Variants in SLC25A48 observed in about 807,000 individuals in gnomAD.
SLC25A48 encodes CTC-321K16.1.
SLC25A48 carries 29 observed loss-of-function variants against 32.2 expected under a neutral mutation model. The ratio of observed to expected loss-of-function variants is 0.90; its 90% confidence interval spans 0.67 to 1.23. The LOEUF (loss-of-function observed/expected upper bound fraction) is 1.23, where lower values mean the gene tolerates loss of function less well. Ranked by LOEUF, SLC25A48 falls within the 50% of genes most tolerant of loss-of-function variation. The pLI is 0.00. For missense variants in SLC25A48, 399 were observed against 422.7 expected (o/e 0.94, Z 0.49); for synonymous variants, 164 against 172.3 (o/e 0.95, Z 0.38).
chr5:135,858,809 C>T (rs148691230), intron 4 of SLC25A48, among the ~76,000 whole-genome samples: 3 of 152,332 alleles, frequency 2.0e-5, no homozygotes, highest in East Asian at 1.9e-4. Flanking sequence ...CCCAAAATGA[C>T]GTTGTCCAAG....
At position 135,780,453 on chromosome 5, in the gene SLC25A48, C is replaced by A. The variant is rs1177132566; in HGVS notation, c.-520-32070C>A. The stretch of plus-strand genomic sequence containing the variant: ...CTGTCAGTATCGTAGGGGGTGTACA[C>A]CCACACTGTGATATTGTTCCTAATA... On this transcript the variant is annotated intron_variant, in intron 3 of 10. Coordinates refer to the SLC25A48 transcript ENST00000646290. Among the ~76,000 whole-genome samples, 53 of 116,398 alleles carry A rather than the reference C, an allele frequency of 4.6e-4. 8 individuals carry two copies. Among genetic ancestry groups the A allele is most frequent in the African/African-American group, 1.3e-3 (51 of 38,368 alleles). The allele number at this position is 116,398 out of a possible 152,430, so 76.4% of individuals were successfully genotyped here.
rs75512932 is a variant in SLC25A48 at position 135,841,435 on chromosome 5, C to T, written c.47-981C>T. On this transcript the variant is annotated intron_variant, in intron 1 of 7. Transcript: ENST00000681962. ...GTGTAGGGGAGTTAGAGATAAACTC[C>T]AACCCCCTGTTTAGCTCCTACTGGG... Among the ~76,000 whole-genome samples the T allele has an allele frequency of 2.6e-3, 401 of 152,144 alleles. 3 individuals carry two copies. Among genetic ancestry groups the T allele is most frequent in the East Asian group, 0.01 (54 of 5,170 alleles).
intron 1 of SLC25A48, among the ~76,000 whole-genome samples, chr5:135,582,911 C>T (rs1195531814): frequency 1.3e-5 from 2 of 152,158 alleles, no homozygotes; most frequent in African/African-American, 2.4e-5. Flanking sequence ...GTGTTGCCAC[C>T]GATTTTAGTT....
At chr5:135,590,683 C>T (rs1314459145) in intron 1 of SLC25A48, among the ~76,000 whole-genome samples, 3 of 152,122 alleles carry the variant, frequency 2.0e-5, no homozygotes. Context: ...CCACCCCCAC[C>T]CCAACACCTA....
chr5:135,781,700 A>T lies in SLC25A48; in HGVS notation c.-520-30823A>T, dbSNP rs555961880. Among the ~76,000 whole-genome samples, 48 of 117,006 alleles carry T rather than the reference A, an allele frequency of 4.1e-4. 2 individuals carry two copies. Among genetic ancestry groups the T allele is most frequent in the African/African-American group, 1.1e-3 (44 of 38,682 alleles). 76.8% of individuals were successfully genotyped at this position (117,006 alleles called of 152,430 possible). ...TTGTTCCTAATAGCCAGGGGAAAAG[A>T]GAATGATATTACTCTCAATATTGCA... On this transcript the variant is annotated intron_variant, in intron 3 of 10. Transcript: ENST00000646290.
At chr5:135,752,125 C>T (rs1234318812) in intron 3 of SLC25A48, among the ~76,000 whole-genome samples, 2 of 152,086 alleles carry the variant, frequency 1.3e-5, no homozygotes, top group Non-Finnish European at 2.9e-5. Flanking sequence ...TTCAGTAAAT[C>T]TTTCTTAGAT....
intron 4 of SLC25A48, among the ~76,000 whole-genome samples, chr5:135,829,021 C>T (rs1758137638): frequency 6.6e-6 from 1 of 152,198 alleles, no homozygotes; most frequent in Non-Finnish European, 1.5e-5. Context: ...CTCCAAATTT[C>T]CTATGGTCCT....
At chr5:135,864,447 C>G (rs1326796542) in intron 4 of SLC25A48, among the ~76,000 whole-genome samples, 1 of 152,196 alleles carries the variant, frequency 6.6e-6, no homozygotes. Flanking sequence ...AAGGGACACA[C>G]AACCCTTAAA....
chr5:135,797,422 C>T (rs1042434119), intron 3 of SLC25A48, among the ~76,000 whole-genome samples: 1 of 151,884 alleles, frequency 6.6e-6, no homozygotes, highest in African/African-American at 2.4e-5. Flanking sequence ...GGGGTGTACA[C>T]CCTTGCTGTG....
At chr5:135,728,452 A>T (rs1044116727) in intron 3 of SLC25A48, among the ~76,000 whole-genome samples, 13 of 152,102 alleles carry the variant, frequency 8.5e-5, no homozygotes, top group African/African-American at 2.7e-4. Context: ...TTCCGTGGTG[A>T]TAGTTGTAAT....
At chr5:135,618,676 C>T (rs1373252979) in intron 1 of SLC25A48, among the ~76,000 whole-genome samples, 1 of 152,056 alleles carries the variant, frequency 6.6e-6, no homozygotes, top group African/African-American at 2.4e-5. Context: ...TCTTGTAGAG[C>T]TGGTCCAGTG....
intron 3 of SLC25A48, among the ~76,000 whole-genome samples, chr5:135,719,113 C>T (rs1396022695): frequency 6.6e-6 from 1 of 152,102 alleles, no homozygotes; most frequent in Admixed American, 6.6e-5. Context: ...CTGTGTTATT[C>T]CTTACAAGTG....
At chr5:135,883,981 C>T (rs1388849049) in intron 7 of SLC25A48, among the ~76,000 whole-genome samples, 3 of 152,142 alleles carry the variant, frequency 2.0e-5, no homozygotes, top group African/African-American at 7.2e-5. Context: ...AATCATAGAG[C>T]CCTTTCTTGA....
chr5:135,850,292 T>C, intron 2 of SLC25A48, 133 bp from the exon 3 acceptor site: 1 of 793,906 alleles, frequency 1.3e-6, no homozygotes, highest in South Asian at 1.6e-5. Flanking sequence ...GGCACCAGCC[T>C]GGCCAGGACT....
chr5:135,785,453 C>A (rs903863692), intron 3 of SLC25A48, among the ~76,000 whole-genome samples: 12 of 151,160 alleles, frequency 7.9e-5, no homozygotes, highest in Non-Finnish European at 1.2e-4. Flanking sequence ...TGGAACACCC[C>A]CTTTGCCCCA....
intron 3 of SLC25A48, among the ~76,000 whole-genome samples, chr5:135,656,199 C>T (rs150760507): frequency 6.6e-6 from 1 of 152,206 alleles, no homozygotes; most frequent in East Asian, 1.9e-4. Flanking sequence ...ATTTTTGTCC[C>T]TCTTGGGACT....
chr5:135,808,244 A>G (rs116287554), intron 3 of SLC25A48, among the ~76,000 whole-genome samples: 1,698 of 150,438 alleles, frequency 0.011, 33 homozygotes, highest in African/African-American at 0.039. Flanking sequence ...TTAACACTTG[A>G]TATTATTATA....
At chr5:135,641,693 C>T (rs1752841315) in intron 3 of SLC25A48, among the ~76,000 whole-genome samples, 1 of 152,190 alleles carries the variant, frequency 6.6e-6, no homozygotes, top group South Asian at 2.1e-4. Flanking sequence ...CAACAGGAGG[C>T]ATTTCTGTGA....
chr5:135,647,924 C>G (rs1753010874), intron 3 of SLC25A48, among the ~76,000 whole-genome samples: 1 of 152,084 alleles, frequency 6.6e-6, no homozygotes, highest in African/African-American at 2.4e-5. Context: ...CATTTCCTGC[C>G]TTGGGCCTGT....
Sources: allele counts gnomAD v4.1 joint callset (sites outside exome capture counted in the v4.1 genomes callset), GRCh38; gene constraint gnomAD v4.1.1; transcripts MANE v1.5; gene names NCBI Gene and HGNC (gene_info 2026-07-23, HGNC 2026-07-21).